Variants in PKD1L1 observed in about 807,000 individuals in gnomAD.
PKD1L1 encodes the protein polycystin 1 like 1, transient receptor potential channel interacting.
A neutral mutation model predicts 323.4 loss-of-function variants in PKD1L1; 236 were observed. The observed-to-expected ratio is 0.73, with a 90% confidence interval of 0.66 to 0.81. The LOEUF (loss-of-function observed/expected upper bound fraction) is 0.81. Ranked by LOEUF, PKD1L1 falls within the 40% of genes least tolerant of loss-of-function variation. The pLI is 0.00. For synonymous variants in PKD1L1, 1,344 were observed against 1,335.0 expected, an observed-to-expected ratio of 1.01 and a Z score of -0.15; for missense variants, 3,320 against 3,508.0, an observed-to-expected ratio of 0.95 and a Z score of 1.35.
At chr7:47,841,902 T>C (rs183895223) in intron 34 of PKD1L1, among the ~76,000 whole-genome samples, 1 of 152,380 alleles carries the variant, frequency 6.6e-6, no homozygotes, top group Admixed American at 6.5e-5. Flanking sequence ...GTTTCTTTAA[T>C]GTTATTAGTG....
chr7:47,917,639 A>G (rs1336639972), intron 7 of PKD1L1, among the ~76,000 whole-genome samples: 1 of 152,236 alleles, frequency 6.6e-6, no homozygotes, highest in Non-Finnish European at 1.5e-5. Context: ...ATTTCTCAGC[A>G]GAAACCCTAT....
At chr7:47,779,045 C>T (rs1430242164) in intron 56 of PKD1L1, among the ~76,000 whole-genome samples, 1 of 152,196 alleles carries the variant, frequency 6.6e-6, no homozygotes. Flanking sequence ...TTCTTTCCTA[C>T]CCTTCACTCA....
At chr7:47,877,691 A>C in intron 21 of PKD1L1, 60 bp from the exon 22 acceptor site, 1 of 1,568,308 alleles carries the variant, frequency 6.4e-7, no homozygotes, top group Non-Finnish European at 8.7e-7. Context: ...CAGCATAGGA[A>C]TAAGTTTTTA....
At chr7:47,916,361 T>C (rs879406542) in intron 7 of PKD1L1, among the ~76,000 whole-genome samples, 11 of 152,234 alleles carry the variant, frequency 7.2e-5, no homozygotes, top group Non-Finnish European at 1.3e-4. Flanking sequence ...ACTTGGGTTC[T>C]AAGATTTAGG....
chr7:47,955,093 C>G, the PKD1L1 span, among the ~76,000 whole-genome samples: 2 of 152,196 alleles, frequency 1.3e-5, no homozygotes, highest in Admixed American at 1.3e-4. Context: ...TCACTCTGCC[C>G]TCACTGCAAA....
At chr7:47,922,636 G>T (rs550984576) in intron 7 of PKD1L1, among the ~76,000 whole-genome samples, 1 of 150,816 alleles carries the variant, frequency 6.6e-6, no homozygotes, top group African/African-American at 2.4e-5. Flanking sequence ...GTCTCTGACC[G>T]GCCGCCCCGT....
intron 16 of PKD1L1, among the ~76,000 whole-genome samples, 164 bp downstream of exon 16, chr7:47,890,378 C>T (rs4294108): frequency 0.046 from 7,003 of 152,284 alleles, 391 homozygotes; most frequent in African/African-American, 0.14. Flanking sequence ...ACTGCTTCCC[C>T]AGCCGCTTTC....
intron 19 of PKD1L1, among the ~76,000 whole-genome samples, chr7:47,883,689 C>G (rs1346307350): frequency 6.6e-6 from 1 of 152,186 alleles, no homozygotes; most frequent in Non-Finnish European, 1.5e-5. Context: ...CTGGAGAAGC[C>G]GTGCAGTTGG....
intron 47 of PKD1L1, among the ~76,000 whole-genome samples, chr7:47,814,637 G>A (rs1584962588): frequency 6.6e-6 from 1 of 152,134 alleles, no homozygotes; most frequent in Non-Finnish European, 1.5e-5. Context: ...CCTCAGCCTT[G>A]CAAGTAGCTG....
chr7:47,875,800 G>A lies in PKD1L1; in HGVS notation c.3784+297C>T, dbSNP rs3736548. 0.36 allele frequency among the ~76,000 whole-genome samples: 55,304 copies of A among 152,042 alleles called. 11,462 individuals carry two copies. Among genetic ancestry groups the A allele is most frequent in the African/African-American group, 0.57 (23,472 of 41,462 alleles). On this transcript the variant is annotated intron_variant, in intron 23 of 56. Coordinates refer to ENST00000289672, the MANE Select transcript of PKD1L1 (RefSeq NM_138295.5). ...CAGATATGACATATTTCATTAGTAA[G>A]TAAGAAATGTCCTGATTTTAAATAT...
At chr7:47,935,047 G>A (rs1195427878) in intron 4 of PKD1L1, among the ~76,000 whole-genome samples, 2 of 152,216 alleles carry the variant, frequency 1.3e-5, no homozygotes, top group Non-Finnish European at 2.9e-5. Context: ...CACAGGCCCT[G>A]CCTGCATTGC....
At chr7:47,932,382 C>G (rs894478942) in intron 4 of PKD1L1, among the ~76,000 whole-genome samples, 1 of 152,246 alleles carries the variant, frequency 6.6e-6, no homozygotes, top group Non-Finnish European at 1.5e-5. Context: ...CATGCTCTGT[C>G]TTCCCTGTGG....
chr7:47,856,538 T>C (rs1248907320), intron 28 of PKD1L1, among the ~76,000 whole-genome samples: 1 of 152,196 alleles, frequency 6.6e-6, no homozygotes. Flanking sequence ...TTTCCTAGTG[T>C]AGATTCTTAC....
At chr7:47,831,416 G>C (rs941286999) in intron 41 of PKD1L1, 64 bp from the exon 42 acceptor site, 2 of 1,544,304 alleles carry the variant, frequency 1.3e-6, no homozygotes, top group East Asian at 2.3e-5. Flanking sequence ...TCCACGCGGA[G>C]TGTGGTGGTG....
chr7:47,949,036 G>C (rs533465481), upstream of PKD1L1, among the ~76,000 whole-genome samples: 2 of 152,278 alleles, frequency 1.3e-5, no homozygotes, highest in South Asian at 2.1e-4. Flanking sequence ...ACTCAAGGGA[G>C]AGACTGTACA....
intron 44 of PKD1L1, 89 bp downstream of exon 44, chr7:47,829,336 G>C: frequency 7.6e-7 from 1 of 1,309,664 alleles, no homozygotes; most frequent in Admixed American, 2.8e-5. Flanking sequence ...AACCCAATCT[G>C]AATTCAAAGC....
chr7:47,813,911 A>T lies in PKD1L1; in HGVS notation c.7173+20T>A, dbSNP rs752085758. The stretch of plus-strand genomic sequence containing the variant: ...TAATTCCATTTATTCTTGGAAGCAA[A>T]AGGAAAAGGAACATCTTACCTTGCA... On this transcript the variant is annotated intron_variant, in intron 48 of 56. Coordinates refer to ENST00000289672, the MANE Select transcript of PKD1L1 (RefSeq NM_138295.5). The T allele has an allele frequency of 1.1e-5, 17 of 1,604,612 alleles. No individual in the cohort carries two copies. The highest frequency in any genetic ancestry group is 1.5e-5 in the Non-Finnish European group (17 of 1,171,500).
intron 19 of PKD1L1, among the ~76,000 whole-genome samples, chr7:47,882,560 G>A (rs932465110): frequency 4.6e-5 from 7 of 151,966 alleles, no homozygotes; most frequent in African/African-American, 1.7e-4. Context: ...CTGAGATGGA[G>A]GTCAGGGAGG....
chr7:47,836,101 C>T (rs997655891), intron 37 of PKD1L1, among the ~76,000 whole-genome samples: 1 of 152,192 alleles, frequency 6.6e-6, no homozygotes, highest in African/African-American at 2.4e-5. Flanking sequence ...GAGCTGTTCC[C>T]TTCCTGCTAC....
Sources: allele counts gnomAD v4.1 joint callset (sites outside exome capture counted in the v4.1 genomes callset), GRCh38; gene constraint gnomAD v4.1.1; transcripts MANE v1.5; gene names NCBI Gene and HGNC (gene_info 2026-07-23, HGNC 2026-07-21).